The following EPHA6 variants were observed in gnomAD, a reference collection of about 807,000 sequenced individuals.
The protein encoded by EPHA6 is ephrin type-A receptor 6.
In EPHA6, 50 loss-of-function variants were observed where a neutral mutation model predicts 112.0. The ratio of observed to expected loss-of-function variants is 0.45; its 90% CI spans 0.36 to 0.56. The LOEUF is 0.56. EPHA6 is among the 20% of genes least tolerant of loss of function. EPHA6 has a pLI of 0.00. For synonymous variants in EPHA6, 529 were observed against 490.7 expected (o/e 1.08, Z -1.03); for missense variants, 1,280 against 1,417.4 (o/e 0.90, Z 1.56).
At chr3:97,361,697 C>T (rs990394056) in intron 5 of EPHA6, among the ~76,000 whole-genome samples, 1 of 152,186 alleles carries the variant, frequency 6.6e-6, no homozygotes, top group South Asian at 2.1e-4. Flanking sequence ...ACCCATTAAT[C>T]CATCAACCCA....
chr3:96,897,054 T>TA (rs1184120095), intron 2 of EPHA6, among the ~76,000 whole-genome samples: 1 of 151,016 alleles, frequency 6.6e-6, no homozygotes. Flanking sequence ...AATTCACTGT[T>TA]AAGGACTCTA....
At chr3:97,558,749 A>G (rs1050555134) in intron 11 of EPHA6, among the ~76,000 whole-genome samples, 1 of 151,916 alleles carries the variant, frequency 6.6e-6, no homozygotes, top group African/African-American at 2.4e-5. Flanking sequence ...TCTGCATGTA[A>G]TATTTGATAT....
intron 3 of EPHA6, among the ~76,000 whole-genome samples, chr3:97,149,292 G>T (rs1232437169): frequency 6.6e-6 from 1 of 152,060 alleles, no homozygotes; most frequent in South Asian, 2.1e-4. Context: ...AAATTGCTGT[G>T]GCAGGATCCA....
intron 5 of EPHA6, among the ~76,000 whole-genome samples, chr3:97,254,269 A>G (rs1359372958): frequency 6.6e-6 from 1 of 152,126 alleles, no homozygotes; most frequent in Non-Finnish European, 1.5e-5. Flanking sequence ...GCTCACTGCA[A>G]CTTCTGCCTC....
At chr3:97,048,317 G>A (rs1159121786) in intron 3 of EPHA6, among the ~76,000 whole-genome samples, 1 of 152,210 alleles carries the variant, frequency 6.6e-6, no homozygotes, top group Non-Finnish European at 1.5e-5. Context: ...ACGGAGTGGA[G>A]TGAGAATGGT....
At chr3:96,858,568 G>A (rs186660561) in intron 1 of EPHA6, among the ~76,000 whole-genome samples, 9 of 152,200 alleles carry the variant, frequency 5.9e-5, no homozygotes, top group East Asian at 5.8e-4. Context: ...CCTGAAAGGC[G>A]CTGTTATCAA....
chr3:97,270,585 G>A (rs2079844837), intron 5 of EPHA6, among the ~76,000 whole-genome samples: 2 of 152,170 alleles, frequency 1.3e-5, no homozygotes, highest in African/African-American at 2.4e-5. Flanking sequence ...ACTCCATTCT[G>A]CCTTTTTGAC....
At chr3:97,018,702 C>T (rs1460222910) in intron 3 of EPHA6, among the ~76,000 whole-genome samples, 2 of 152,220 alleles carry the variant, frequency 1.3e-5, no homozygotes, top group East Asian at 1.9e-4. Flanking sequence ...TGAAGCACAG[C>T]ATCACAGGGA....
At chr3:97,026,846 T>C (rs1436960007) in intron 3 of EPHA6, among the ~76,000 whole-genome samples, 1 of 152,120 alleles carries the variant, frequency 6.6e-6, no homozygotes, top group African/African-American at 2.4e-5. Context: ...AGTGAGAGTG[T>C]AAATTAGTTC....
intron 10 of EPHA6, among the ~76,000 whole-genome samples, chr3:97,495,648 C>T (rs904420678): frequency 6.6e-6 from 1 of 152,084 alleles, no homozygotes; most frequent in Non-Finnish European, 1.5e-5. Context: ...TTGTCCTTCT[C>T]AGTAACATCT....
Position 97,758,109 on chromosome 3 carries a change from T to C in EPHA6, c.*9408T>C, listed in dbSNP as rs2036069129. On this transcript the variant is annotated 3_prime_UTR_variant, in exon 18 of 18. Coordinates refer to ENST00000389672, the MANE Select transcript of EPHA6 (RefSeq NM_001080448.3). ...GTTACTTCTCACTACTTACTGCTTATTCAGTTTGTAAAATCTTACCAAGTA... is the reference window on the plus strand; with the variant it reads ...GTTACTTCTCACTACTTACTGCTTACTCAGTTTGTAAAATCTTACCAAGTA... 6.6e-6 allele frequency among the ~76,000 whole-genome samples: 1 copy of C among 152,140 alleles called. No homozygotes were observed. The highest frequency in any genetic ancestry group is 2.1e-4 in the South Asian group (1 of 4,834).
At chr3:97,147,631 G>A (rs1249362128) in intron 3 of EPHA6, among the ~76,000 whole-genome samples, 3 of 151,988 alleles carry the variant, frequency 2.0e-5, no homozygotes. Flanking sequence ...AGTGATTAGT[G>A]GTGCAACAAT....
At chr3:96,834,866 T>A (rs1439362579) in intron 1 of EPHA6, among the ~76,000 whole-genome samples, 1 of 151,968 alleles carries the variant, frequency 6.6e-6, no homozygotes, top group African/African-American at 2.4e-5. Flanking sequence ...AAGACACTAT[T>A]TTTGTTTTGA....
intron 2 of EPHA6, among the ~76,000 whole-genome samples, chr3:96,878,151 A>G (rs1451802402): frequency 9.2e-5 from 14 of 152,002 alleles, no homozygotes; most frequent in Non-Finnish European, 2.1e-4. Context: ...TATAAATATC[A>G]TAGTAAATAA....
chr3:97,235,412 A>G (rs1175026564), intron 4 of EPHA6, among the ~76,000 whole-genome samples: 1 of 152,074 alleles, frequency 6.6e-6, no homozygotes, highest in African/African-American at 2.4e-5. Flanking sequence ...CATCTAAGCC[A>G]TGAAGCTTAA....
rs369046075 is a variant in EPHA6 at position 97,750,160 on chromosome 3, T to G, written c.*1459T>G. ...TAGGTGAAAGAGTAAGTAAAATGTG[T>G]TGAGAGAAAAAAACAGAGTAGGTTG... On this transcript the variant is annotated 3_prime_UTR_variant, in exon 18 of 18. Coordinates refer to ENST00000389672, the MANE Select transcript of EPHA6 (RefSeq NM_001080448.3). Among the ~76,000 whole-genome samples the G allele has an allele frequency of 2.3e-4, 35 of 152,140 alleles. No individual in the cohort carries two copies. The South Asian group carries it at 6.9e-3, about 30-fold the overall frequency.
intron 1 of EPHA6, among the ~76,000 whole-genome samples, chr3:96,825,792 T>C (rs1031046066): frequency 1.2e-4 from 18 of 151,920 alleles, no homozygotes; most frequent in Non-Finnish European, 2.5e-4. Flanking sequence ...AAACTATCAA[T>C]CTAGTTTCTG....
chr3:97,377,155 T>A (rs1458268346), intron 5 of EPHA6, among the ~76,000 whole-genome samples: 1 of 152,178 alleles, frequency 6.6e-6, no homozygotes, highest in African/African-American at 2.4e-5. Flanking sequence ...TCTTGAATTG[T>A]CCTCCCACAA....
At chr3:97,600,492 G>T (rs1233696379) in intron 12 of EPHA6, among the ~76,000 whole-genome samples, 3 of 151,848 alleles carry the variant, frequency 2.0e-5, no homozygotes, top group Non-Finnish European at 2.9e-5. Context: ...GTTGAATTTT[G>T]TCAAAGGCTT....
Sources: gnomAD v4.1 joint callset for allele counts (sites outside exome capture counted in the v4.1 genomes callset) on GRCh38, gnomAD v4.1.1 for gene constraint, MANE v1.5 for transcripts, NCBI Gene and HGNC (gene_info 2026-07-23, HGNC 2026-07-21) for gene names.